The following PRKG1 variants were observed in gnomAD, a reference collection of about 807,000 sequenced individuals.
PRKG1 encodes the protein protein kinase cGMP-dependent 1, also known as cGMP-dependent protein kinase 1.
In PRKG1, 35 loss-of-function variants were observed where a neutral mutation model predicts 88.1. That is an observed-to-expected ratio of 0.40 (90% CI 0.30 to 0.53). PRKG1 has a LOEUF of 0.53. Among genes scored for constraint, PRKG1 ranks in the 20% least tolerant of loss-of-function variants. PRKG1 has a pLI of 0.59. For synonymous variants in PRKG1, 303 were observed against 292.5 expected (o/e 1.04, Z -0.37); for missense variants, 540 against 839.8 (o/e 0.64, Z 4.41).
At chr10:51,627,968 TTCTCTTTCTTTCTTTCTTTCTTTC>T (rs1474105533) in intron 3 of PRKG1, among the ~76,000 whole-genome samples, 1 of 50,426 alleles carries the variant, frequency 2.0e-5, no homozygotes, top group African/African-American at 7.6e-5. Flanking sequence ...CTTTCTTTCT[TTCTCTTTCTTTCTTTCTTTCTTTC>T]TCTCTCTCTC....
At position 51,411,279 on chromosome 10, in the gene PRKG1, G is replaced by A. The variant is rs533342927; in HGVS notation, c.479-56444G>A. Among the ~76,000 whole-genome samples, 7 of 152,300 alleles carry A rather than the reference G, an allele frequency of 4.6e-5. 1 individual carries two copies. The South Asian group carries it at 1.5e-3, about 32-fold the overall frequency. On this transcript the variant is annotated intron_variant, in intron 2 of 17. Coordinates refer to ENST00000373980, the MANE Select transcript of PRKG1 (RefSeq NM_006258.4). ...GCCTCCCAAAGTGCTGGGATTACAG[G>A]CCTGAGCCACGGCAAGTGGCCTACA... is the stretch of plus-strand genomic sequence containing the variant.
At chr10:52,020,615 T>C (rs184634166) in intron 5 of PRKG1, among the ~76,000 whole-genome samples, 102 of 152,272 alleles carry the variant, frequency 6.7e-4, no homozygotes, top group African/African-American at 2.2e-3. Flanking sequence ...ACCTTGATCC[T>C]AGGACTTTAT....
intron 3 of PRKG1, among the ~76,000 whole-genome samples, chr10:51,570,298 A>C (rs185443350): frequency 2.8e-4 from 43 of 151,954 alleles, no homozygotes; most frequent in Middle Eastern, 3.4e-3. Context: ...TGACAGGAAA[A>C]TTCAATGAAC....
intron 7 of PRKG1, among the ~76,000 whole-genome samples, chr10:52,119,410 T>C (rs1847763844): frequency 6.6e-6 from 1 of 152,202 alleles, no homozygotes; most frequent in African/African-American, 2.4e-5. Flanking sequence ...TCCTGACATG[T>C]TGTCTAGAAT....
intron 3 of PRKG1, among the ~76,000 whole-genome samples, chr10:51,545,694 T>C (rs1480637950): frequency 2.0e-5 from 3 of 152,144 alleles, no homozygotes; most frequent in Non-Finnish European, 4.4e-5. Context: ...ATTAGGCTTG[T>C]CATTTCCCCA....
At chr10:51,285,559 G>C (rs1172941536) in intron 2 of PRKG1, among the ~76,000 whole-genome samples, 3 of 152,178 alleles carry the variant, frequency 2.0e-5, no homozygotes, top group Admixed American at 6.5e-5. Flanking sequence ...CTTTAGACAA[G>C]AGAGGGTAAT....
At chr10:51,295,030 C>G (rs1433490873) in intron 2 of PRKG1, among the ~76,000 whole-genome samples, 1 of 151,940 alleles carries the variant, frequency 6.6e-6, no homozygotes, top group African/African-American at 2.4e-5. Flanking sequence ...CTGCAGTGAG[C>G]TATGATTGTG....
At chr10:51,919,702 G>T (rs1842422317) in intron 5 of PRKG1, among the ~76,000 whole-genome samples, 2 of 151,534 alleles carry the variant, frequency 1.3e-5, no homozygotes, top group African/African-American at 2.4e-5. Flanking sequence ...GGCTTACCCT[G>T]ACTAATTCTA....
At chr10:51,199,725 G>T (rs535544216) in intron 2 of PRKG1, among the ~76,000 whole-genome samples, 1 of 152,140 alleles carries the variant, frequency 6.6e-6, no homozygotes, top group Non-Finnish European at 1.5e-5. Context: ...GAATTTCACT[G>T]CTCATCTCAA....
At chr10:51,205,280 C>T (rs1056709041) in intron 2 of PRKG1, among the ~76,000 whole-genome samples, 1 of 149,394 alleles carries the variant, frequency 6.7e-6, no homozygotes, top group Admixed American at 6.7e-5. Context: ...GCTGAGACCA[C>T]AGGCACTGCC....
chr10:52,087,027 C>A (rs1425513624), intron 7 of PRKG1, among the ~76,000 whole-genome samples: 2 of 152,128 alleles, frequency 1.3e-5, no homozygotes, highest in African/African-American at 4.8e-5. Context: ...ATTCAATTGC[C>A]TCCTACTGGG....
chr10:51,010,413 C>T (rs1325181889), intron 1 of PRKG1, among the ~76,000 whole-genome samples: 1 of 152,182 alleles, frequency 6.6e-6, no homozygotes, highest in Non-Finnish European at 1.5e-5. Context: ...CAATGCTTTC[C>T]TTTTCATACC....
chr10:51,292,024 C>T (rs771727607), intron 2 of PRKG1, among the ~76,000 whole-genome samples: 2 of 152,012 alleles, frequency 1.3e-5, no homozygotes, highest in African/African-American at 2.4e-5. Flanking sequence ...TTGTTAGAGT[C>T]GATCTCTTTT....
intron 5 of PRKG1, among the ~76,000 whole-genome samples, chr10:51,958,641 T>G (rs1212515173): frequency 6.8e-6 from 1 of 146,182 alleles, no homozygotes; most frequent in Non-Finnish European, 1.5e-5. Context: ...GGAAGAAGCC[T>G]ATGTCAGGGG....
intron 2 of PRKG1, among the ~76,000 whole-genome samples, chr10:51,175,392 A>G (rs1837164673): frequency 6.6e-6 from 1 of 152,030 alleles, no homozygotes; most frequent in Admixed American, 6.6e-5. Context: ...GAGTTTTTTC[A>G]CATAAGAAAG....
At chr10:51,160,874 T>TTGTG (rs781290669) in intron 2 of PRKG1, among the ~76,000 whole-genome samples, 8 of 100,268 alleles carry the variant, frequency 8.0e-5, no homozygotes, top group Non-Finnish European at 1.4e-4. Flanking sequence ...TTCTTCATGC[T>TTGTG]CGTGTGTGTG....
intron 3 of PRKG1, among the ~76,000 whole-genome samples, chr10:51,742,703 G>C: frequency 6.6e-6 from 1 of 152,166 alleles, no homozygotes; most frequent in Non-Finnish European, 1.5e-5. Flanking sequence ...CTAATTCCAG[G>C]TGTAAAGGTG....
chr10:51,837,452 C>T (rs183951330), intron 4 of PRKG1, among the ~76,000 whole-genome samples: 1 of 152,192 alleles, frequency 6.6e-6, no homozygotes, highest in Non-Finnish European at 1.5e-5. Flanking sequence ...TTGCTGTTTG[C>T]TACCACACAT....
At chr10:51,370,461 A>G (rs781570216) in intron 2 of PRKG1, among the ~76,000 whole-genome samples, 7 of 149,882 alleles carry the variant, frequency 4.7e-5, no homozygotes, top group Non-Finnish European at 8.9e-5. Context: ...GGGTTAAGAA[A>G]GAGAGAGAGA....
Sources: gnomAD v4.1 joint callset for allele counts (sites outside exome capture counted in the v4.1 genomes callset) on GRCh38, gnomAD v4.1.1 for gene constraint, MANE v1.5 for transcripts, NCBI Gene and HGNC (gene_info 2026-07-23, HGNC 2026-07-21) for gene names.